The following LRRC4C variants were observed in gnomAD, a reference collection of about 807,000 sequenced individuals.
LRRC4C encodes leucine-rich repeat-containing protein 4C.
In LRRC4C, 5 loss-of-function variants were observed where a neutral mutation model predicts 33.6. The observed-to-expected ratio is 0.15, with a 90% CI of 0.08 to 0.31. The LOEUF (loss-of-function observed/expected upper bound fraction) is 0.31. Among genes scored for constraint, LRRC4C ranks in the 10% least tolerant of loss-of-function variants. LRRC4C has a pLI of 1.00. For synonymous variants in LRRC4C, 329 were observed against 302.0 expected (o/e 1.09, Z -0.93); for missense variants, 560 against 796.7 (o/e 0.70, Z 3.58).
At chr11:41,064,639 G>A (rs1363141889) in intron 1 of LRRC4C, among the ~76,000 whole-genome samples, 2 of 152,132 alleles carry the variant, frequency 1.3e-5, no homozygotes, top group African/African-American at 4.8e-5. Context: ...GGCCAAGATG[G>A]CTGAATAGAA....
intron 1 of LRRC4C, among the ~76,000 whole-genome samples, chr11:41,109,322 T>TTATAGG (rs1478083239): frequency 6.6e-6 from 1 of 152,066 alleles, no homozygotes; most frequent in Non-Finnish European, 1.5e-5. Flanking sequence ...CTTCACTGTT[T>TTATAGG]GTCTTTTAAA....
chr11:41,247,430 A>T (rs762564660), intron 1 of LRRC4C, among the ~76,000 whole-genome samples: 5 of 152,206 alleles, frequency 3.3e-5, no homozygotes, highest in Non-Finnish European at 1.5e-5. Flanking sequence ...AACAAACACA[A>T]AGTCAACTCC....
At chr11:41,245,319 C>A (rs1948408133) in intron 1 of LRRC4C, among the ~76,000 whole-genome samples, 1 of 152,124 alleles carries the variant, frequency 6.6e-6, no homozygotes, top group African/African-American at 2.4e-5. Context: ...GGCCTGGATC[C>A]CATGCTTGTC....
chr11:40,341,694 AC>A (rs1465479102), intron 3 of LRRC4C, among the ~76,000 whole-genome samples: 1 of 152,232 alleles, frequency 6.6e-6, no homozygotes, highest in Non-Finnish European at 1.5e-5. Flanking sequence ...TAATAAAAAA[AC>A]TTTCAAATTG....
intron 1 of LRRC4C, among the ~76,000 whole-genome samples, chr11:41,123,587 T>A (rs1407135482): frequency 6.6e-6 from 1 of 152,134 alleles, no homozygotes; most frequent in Non-Finnish European, 1.5e-5. Flanking sequence ...TTTCTTTTTT[T>A]AATAAATTCT....
At chr11:40,897,562 C>A (rs1291013264) in intron 2 of LRRC4C, among the ~76,000 whole-genome samples, 1 of 152,052 alleles carries the variant, frequency 6.6e-6, no homozygotes, top group African/African-American at 2.4e-5. Flanking sequence ...ATGTTTAAAT[C>A]AAAAATTTAC....
At chr11:40,418,985 G>A (rs183025422) in intron 3 of LRRC4C, among the ~76,000 whole-genome samples, 1 of 152,086 alleles carries the variant, frequency 6.6e-6, no homozygotes, top group Admixed American at 6.6e-5. Context: ...CGGGGGATAG[G>A]GGGAGGGAGA....
chr11:40,754,273 A>G (rs1372685331), intron 2 of LRRC4C, among the ~76,000 whole-genome samples: 1 of 152,112 alleles, frequency 6.6e-6, no homozygotes, highest in African/African-American at 2.4e-5. Context: ...ATATTTCACT[A>G]AGCATGATGC....
intron 5 of LRRC4C, among the ~76,000 whole-genome samples, chr11:40,174,698 A>G (rs1860328779): frequency 6.6e-6 from 1 of 152,246 alleles, no homozygotes; most frequent in Admixed American, 6.5e-5. Flanking sequence ...GAGTTTGACC[A>G]CAAGACAATA....
chr11:40,436,282 G>T (rs976883425), intron 3 of LRRC4C, among the ~76,000 whole-genome samples: 1 of 152,160 alleles, frequency 6.6e-6, no homozygotes, highest in Non-Finnish European at 1.5e-5. Context: ...AAGCCCCAGA[G>T]AGGGCTGTTT....
intron 1 of LRRC4C, among the ~76,000 whole-genome samples, chr11:41,276,458 T>A (rs1366741181): frequency 6.6e-6 from 1 of 152,180 alleles, no homozygotes; most frequent in Admixed American, 6.6e-5. Context: ...AAACTTCACT[T>A]TATCACAAAA....
At chr11:40,436,092 C>T (rs1354872476) in intron 3 of LRRC4C, among the ~76,000 whole-genome samples, 1 of 152,114 alleles carries the variant, frequency 6.6e-6, no homozygotes, top group East Asian at 1.9e-4. Context: ...CTTACCTTTC[C>T]ATTACAACTG....
chr11:40,646,476 C>A (rs1942462466), intron 3 of LRRC4C, among the ~76,000 whole-genome samples: 1 of 152,126 alleles, frequency 6.6e-6, no homozygotes. Flanking sequence ...CCTAAATGAG[C>A]CTTTTTTCTC....
chr11:40,168,477 T>C (rs1023108750), intron 5 of LRRC4C, among the ~76,000 whole-genome samples: 11 of 152,162 alleles, frequency 7.2e-5, no homozygotes, highest in Admixed American at 5.9e-4. Context: ...TCTGTGTGGA[T>C]TGGTCACATT....
intron 2 of LRRC4C, among the ~76,000 whole-genome samples, chr11:40,775,369 C>T (rs1949947839): frequency 6.6e-6 from 1 of 151,672 alleles, no homozygotes; most frequent in Non-Finnish European, 1.5e-5. Flanking sequence ...TAGATTGCGC[C>T]ACTGCACTCC....
chr11:40,525,641 T>C (rs893523895), intron 3 of LRRC4C, among the ~76,000 whole-genome samples: 1 of 152,070 alleles, frequency 6.6e-6, no homozygotes, highest in Non-Finnish European at 1.5e-5. Flanking sequence ...ATTTATGCAC[T>C]GGAGAATTCA....
intron 3 of LRRC4C, among the ~76,000 whole-genome samples, chr11:40,495,813 GTTTTTTTTTT>G (rs77683172): frequency 5.2e-4 from 35 of 67,006 alleles, no homozygotes; most frequent in African/African-American, 1.6e-3. Flanking sequence ...CAATAAACAT[GTTTTTTTTTT>G]TTTTTTTTTT....
chr11:40,698,033 C>A (rs946648756), intron 2 of LRRC4C, among the ~76,000 whole-genome samples: 4 of 150,294 alleles, frequency 2.7e-5, no homozygotes, highest in Non-Finnish European at 3.0e-5. Flanking sequence ...GCACCACTGC[C>A]CTCCAGCCTG....
chr11:40,196,151 G>A (rs1246938450), intron 5 of LRRC4C, among the ~76,000 whole-genome samples: 1 of 152,112 alleles, frequency 6.6e-6, no homozygotes, highest in African/African-American at 2.4e-5. Flanking sequence ...TCGTGGATAA[G>A]GATTGAACAG....
Sources: gnomAD v4.1 joint callset for allele counts (sites outside exome capture counted in the v4.1 genomes callset) on GRCh38, gnomAD v4.1.1 for gene constraint, MANE v1.5 for transcripts, NCBI Gene and HGNC (gene_info 2026-07-23, HGNC 2026-07-21) for gene names.